The following RGS12 variants were observed in gnomAD, a reference collection of about 807,000 sequenced individuals.
The protein encoded by RGS12 is regulator of G-protein signaling 12.
A neutral mutation model predicts 120.1 loss-of-function variants in RGS12; 66 were observed. That is an observed-to-expected ratio of 0.55 (90% CI 0.45 to 0.67). RGS12 has a LOEUF of 0.67. Ranked by LOEUF, RGS12 falls within the 30% of genes least tolerant of loss-of-function variation. The probability of loss-of-function intolerance (pLI) is 0.00; values close to 1 mark genes in which losing one functional copy is unlikely to be tolerated. For synonymous variants in RGS12, 827 were observed against 804.7 expected (o/e 1.03, Z -0.47); for missense variants, 1,859 against 1,957.7 (o/e 0.95, Z 0.95).
At chr4:3,428,920 T>C (rs1723956809) in intron 16 of RGS12, among the ~76,000 whole-genome samples, 1 of 152,130 alleles carries the variant, frequency 6.6e-6, no homozygotes, top group Non-Finnish European at 1.5e-5. Flanking sequence ...CCAGGCCTCC[T>C]AGGGCATCAG....
chr4:3,397,557 T>G (rs1720163227), intron 4 of RGS12, among the ~76,000 whole-genome samples: 1 of 152,076 alleles, frequency 6.6e-6, no homozygotes, highest in African/African-American at 2.4e-5. Flanking sequence ...ACCTCAGGGT[T>G]TTGCCTCAGG....
intron 3 of RGS12, among the ~76,000 whole-genome samples, chr4:3,362,987 A>G (rs542679017): frequency 7.2e-6 from 1 of 137,932 alleles, no homozygotes; most frequent in African/African-American, 2.8e-5. Context: ...GAGGGTGTGT[A>G]TATGTGTGAG....
In RGS12 at chr4:3,307,266, G is replaced by A. The variant is rs532635058; in HGVS notation, c.-101-8804G>A. On this transcript the variant is annotated intron_variant, in intron 1 of 17. Coordinates refer to ENST00000336727, the MANE Select transcript of RGS12 (RefSeq NM_001394154.1). ...TGCCGACGCACCTTGCTCTTAGGCAGACTGTCTTGGACATGAGCCCGCGCA... is the reference window on the plus strand; with the variant it reads ...TGCCGACGCACCTTGCTCTTAGGCAAACTGTCTTGGACATGAGCCCGCGCA... Among the ~76,000 whole-genome samples, 7 of 152,344 alleles carry A rather than the reference G, an allele frequency of 4.6e-5. No individual in the cohort carries two copies. The South Asian group carries it at 1.4e-3, about 32-fold the overall frequency.
chr4:3,431,854 A>T, intron 17 of RGS12: 1 of 985,564 alleles, frequency 1.0e-6, no homozygotes, highest in Non-Finnish European at 1.2e-6. Context: ...CAGCAGTGAG[A>T]GGCCTGCCGT....
At chr4:3,405,287 A>G (rs1307880203) in intron 4 of RGS12, among the ~76,000 whole-genome samples, 1 of 152,254 alleles carries the variant, frequency 6.6e-6, no homozygotes, top group Non-Finnish European at 1.5e-5. Flanking sequence ...CCCCAGCCAC[A>G]TGATGAGAGC....
intron 2 of RGS12, among the ~76,000 whole-genome samples, chr4:3,335,569 C>T (rs1041582106): frequency 3.9e-5 from 6 of 152,180 alleles, no homozygotes; most frequent in African/African-American, 7.2e-5. Flanking sequence ...ACCATAGCAA[C>T]GTTTCACCCT....
At chr4:3,382,549 G>C (rs1165583623) in intron 3 of RGS12, among the ~76,000 whole-genome samples, 1 of 152,194 alleles carries the variant, frequency 6.6e-6, no homozygotes, top group African/African-American at 2.4e-5. Flanking sequence ...CATTAGTCCT[G>C]CTCACAGCAC....
intron 1 of RGS12, among the ~76,000 whole-genome samples, chr4:3,313,361 A>G (rs548238853): frequency 4.6e-5 from 7 of 152,354 alleles, no homozygotes; most frequent in African/African-American, 1.7e-4. Flanking sequence ...GGCTGTTCAC[A>G]GTGATAGCTG....
chr4:3,337,518 C>T (rs1018188944), intron 2 of RGS12, among the ~76,000 whole-genome samples: 17 of 152,142 alleles, frequency 1.1e-4, no homozygotes, highest in African/African-American at 2.9e-4. Context: ...ATCCATACCG[C>T]GGAATATTAT....
At chr4:3,427,547 C>A (rs1203582237) in intron 14 of RGS12, among the ~76,000 whole-genome samples, 2 of 152,104 alleles carry the variant, frequency 1.3e-5, no homozygotes, top group Non-Finnish European at 2.9e-5. Flanking sequence ...ACCAGCCTGG[C>A]CAGCATGGTG....
rs539821008 is a variant in RGS12 at position 3,375,474 on chromosome 4, G to T, written c.1999-10942G>T. Among the ~76,000 whole-genome samples the T allele has an allele frequency of 9.6e-5, 6 of 62,476 alleles. No homozygotes were observed. The East Asian group carries it at 2.7e-3, about 28-fold the overall frequency. The allele number at this position is 62,476 out of a possible 152,430, so 41.0% of individuals were successfully genotyped here. On this transcript the variant is annotated intron_variant, in intron 3 of 17. Transcript: ENST00000336727. ...GCCTCATCTCCATCCCTCATCTCCAGCCCTCATCTCCAGCCTCATCTCCAG... is the reference window on the plus strand; with the variant it reads ...GCCTCATCTCCATCCCTCATCTCCATCCCTCATCTCCAGCCTCATCTCCAG...
chr4:3,362,747 G>T (rs1340271796), intron 3 of RGS12, among the ~76,000 whole-genome samples: 1 of 71,458 alleles, frequency 1.4e-5, no homozygotes, highest in African/African-American at 7.0e-5. Context: ...CTGTGTGAGG[G>T]TGTGTGTGAA....
chr4:3,423,867 G>T (rs1167015606), intron 13 of RGS12: 6 of 524,606 alleles, frequency 1.1e-5, no homozygotes, highest in Non-Finnish European at 2.0e-5. Flanking sequence ...AAAAAGAATT[G>T]ATATTTGAGA....
chr4:3,420,489 C>T, intron 9 of RGS12, 153 bp from the exon 10 acceptor site: 2 of 737,890 alleles, frequency 2.7e-6, no homozygotes, highest in South Asian at 1.5e-5. Flanking sequence ...GACTCGTCTC[C>T]ACCAGAGACG....
chr4:3,347,552 A>T (rs1459337039), intron 3 of RGS12, among the ~76,000 whole-genome samples: 1 of 152,208 alleles, frequency 6.6e-6, no homozygotes, highest in Non-Finnish European at 1.5e-5. Flanking sequence ...CAGTTATTTA[A>T]TCTCATGTAA....
chr4:3,321,601 G>T (rs561720377), intron 2 of RGS12, among the ~76,000 whole-genome samples: 1 of 152,194 alleles, frequency 6.6e-6, no homozygotes, highest in Non-Finnish European at 1.5e-5. Context: ...ACCCCCAAGG[G>T]CATCTCACTC....
At chr4:3,337,384 G>C (rs1712594268) in intron 2 of RGS12, among the ~76,000 whole-genome samples, 1 of 152,200 alleles carries the variant, frequency 6.6e-6, no homozygotes, top group South Asian at 2.1e-4. Context: ...CCAAAGAATT[G>C]AAATCAAGGT....
rs1041734368 is a variant in RGS12 at position 3,366,559 on chromosome 4, C to G, written c.1999-19857C>G. ...CCCGTGAAGGAGGCAGCAGGGCTTG[C>G]GGCCGGGATCCACCAGGGCCGTCCC... On this transcript the variant is annotated intron_variant, in intron 3 of 17. Transcript: ENST00000336727. This position sits in a 1 kb window ranked among gnomAD's most constrained non-coding sequence, Gnocchi z 4.0. Among the ~76,000 whole-genome samples, 4 of 152,216 alleles carry G rather than the reference C, an allele frequency of 2.6e-5. No homozygotes were observed. Among genetic ancestry groups the G allele is most frequent in the Non-Finnish European group, 4.4e-5 (3 of 68,034 alleles).
chr4:3,369,183 C>G (rs73193371), intron 3 of RGS12, among the ~76,000 whole-genome samples: 37,430 of 152,042 alleles, frequency 0.25, 4,906 homozygotes, highest in South Asian at 0.35. Flanking sequence ...GCCTGCCCCC[C>G]GCCCCTGCAG....
Sources: gnomAD v4.1 joint callset for allele counts (sites outside exome capture counted in the v4.1 genomes callset) on GRCh38, gnomAD v4.1.1 for gene constraint, Gnocchi (gnomAD v3.1) non-coding constraint, MANE v1.5 for transcripts, NCBI Gene and HGNC (gene_info 2026-07-23, HGNC 2026-07-21) for gene names.